The following SEPTIN2 variants were observed in gnomAD, a reference collection of about 807,000 sequenced individuals.
SEPTIN2 encodes the protein septin 2, also known as septin-2.
SEPTIN2 carries 34 observed loss-of-function variants against 46.5 expected under a neutral mutation model. The observed-to-expected ratio is 0.73, with a 90% CI of 0.56 to 0.97. SEPTIN2 has a LOEUF of 0.97. SEPTIN2 is among the 50% of genes least tolerant of loss of function. The pLI is 0.00. For missense variants in SEPTIN2, 347 were observed against 448.4 expected, an observed-to-expected ratio of 0.77 and a Z score of 2.04; for synonymous variants, 175 against 153.4, an observed-to-expected ratio of 1.14 and a Z score of -1.04.
rs971727785 is a variant in SEPTIN2 at position 241,346,374 on chromosome 2, T to C, written c.926+125T>C. 2.0e-5 allele frequency: 12 copies of C among 609,824 alleles called. No homozygotes were observed. In the Middle Eastern group the frequency reaches 1.1e-3, roughly 56 times the overall value. The allele number at this position is 609,824 out of a possible 1,614,324, so 37.8% of individuals were successfully genotyped here. A position where few individuals can be genotyped will look rare whatever the true frequency, so the allele number is the denominator to read the frequency against. On this transcript the variant is annotated intron_variant, in intron 10 of 12. Transcript: ENST00000391971. Reference sequence around the variant, plus strand: ...CATGGTTTGGTTTCCTACTCAAAAGTTATTATAAAAGAGTTGTTAATTTAA... The same window carrying C: ...CATGGTTTGGTTTCCTACTCAAAAGCTATTATAAAAGAGTTGTTAATTTAA...
At chr2:241,330,377 A>G (rs2078798353) in intron 3 of SEPTIN2, among the ~76,000 whole-genome samples, 1 of 152,198 alleles carries the variant, frequency 6.6e-6, no homozygotes, top group African/African-American at 2.4e-5. Context: ...TAATGACTGC[A>G]CCATAGAAGC....
At chr2:241,342,534 A>ATTTTTTTTTTT (rs548033372) in intron 7 of SEPTIN2, among the ~76,000 whole-genome samples, 2 of 86,986 alleles carry the variant, frequency 2.3e-5, no homozygotes, top group Non-Finnish European at 2.1e-5. Context: ...AGTTTTGTAA[A>ATTTTTTTTTTT]TTTTTTTTTT....
At chr2:241,337,108 C>G (rs62193171) in intron 5 of SEPTIN2, 1 of 296,130 alleles carries the variant, frequency 3.4e-6, no homozygotes, top group Non-Finnish European at 6.2e-6. Context: ...AAAAAAAGAA[C>G]GAATTGGCAG....
At chr2:241,328,373 A>G (rs2078361954) in intron 3 of SEPTIN2, among the ~76,000 whole-genome samples, 1 of 151,952 alleles carries the variant, frequency 6.6e-6, no homozygotes, top group South Asian at 2.1e-4. Flanking sequence ...CAGAGGTTGC[A>G]GTGAGCCAAG....
chr2:241,339,302 A>G (rs1575324334), intron 7 of SEPTIN2, among the ~76,000 whole-genome samples: 1 of 151,406 alleles, frequency 6.6e-6, no homozygotes, highest in Admixed American at 6.6e-5. Flanking sequence ...CTGAAGCAAA[A>G]GAATCGCTTC....
intron 1 of SEPTIN2, chr2:241,317,535 ATT>A (rs750805176): frequency 0.018 from 15,615 of 887,016 alleles, no homozygotes; most frequent in Non-Finnish European, 0.019. Flanking sequence ...AGTTGTGGGT[ATT>A]TTTTTTTTTT....
chr2:241,325,267 C>T (rs1166695240), intron 2 of SEPTIN2: 1 of 152,144 alleles, frequency 6.6e-6, no homozygotes, highest in South Asian at 2.1e-4. Flanking sequence ...CAGTATGCCA[C>T]TGTCTAGATT....
Position 241,328,976 on chromosome 2 carries a change from C to T in SEPTIN2, c.130+2863C>T, listed in dbSNP as rs187084091. Among the ~76,000 whole-genome samples the T allele has an allele frequency of 2.3e-3, 348 of 151,940 alleles. 4 individuals are homozygous for T. The East Asian group carries it at 0.032, about 14-fold the overall frequency. ...TGGAGGTTGCGGTGAGCCGAGATCGCGCCATTGCACTCCAGCCTGGGCAAC... is the reference window on the plus strand; with the variant it reads ...TGGAGGTTGCGGTGAGCCGAGATCGTGCCATTGCACTCCAGCCTGGGCAAC... On this transcript the variant is annotated intron_variant, in intron 3 of 12. Coordinates refer to ENST00000391971, the MANE Select transcript of SEPTIN2 (RefSeq NM_004404.5).
intron 10 of SEPTIN2, 94 bp from the exon 11 acceptor site, chr2:241,348,036 AATAC>A: frequency 2.2e-6 from 2 of 924,312 alleles, no homozygotes. Context: ...AGAAATGATA[AATAC>A]ATGTCATTTT....
At chr2:241,321,002 TAC>T (rs2077035564) in intron 1 of SEPTIN2, among the ~76,000 whole-genome samples, 2 of 152,230 alleles carry the variant, frequency 1.3e-5, no homozygotes, top group African/African-American at 4.8e-5. Context: ...TACTGGGAGT[TAC>T]TTTTCATCTT....
chr2:241,324,310 C>G, intron 2 of SEPTIN2, 69 bp downstream of exon 2: 1 of 1,257,414 alleles, frequency 8.0e-7, no homozygotes, highest in Non-Finnish European at 1.1e-6. Context: ...TGTTGACAGT[C>G]GGGACTTATA....
At chr2:241,342,949 A>G (rs775703016) in intron 7 of SEPTIN2, 43 bp from the exon 8 acceptor site, 2 of 1,031,076 alleles carry the variant, frequency 1.9e-6, no homozygotes, top group Non-Finnish European at 3.0e-6. Flanking sequence ...ACAATAACAT[A>G]CGCAGTTTGC....
chr2:241,322,021 C>T (rs555111491), intron 1 of SEPTIN2, among the ~76,000 whole-genome samples: 16 of 152,150 alleles, frequency 1.1e-4, no homozygotes, highest in Non-Finnish European at 2.9e-5. Context: ...CTGCTACTAT[C>T]CCTTGGTTAA....
chr2:241,322,634 A>T (rs1260219908), intron 1 of SEPTIN2, among the ~76,000 whole-genome samples: 1 of 152,044 alleles, frequency 6.6e-6, no homozygotes, highest in Non-Finnish European at 1.5e-5. Flanking sequence ...GAGAAAAAAA[A>T]ATTCCACATA....
At chr2:241,331,031 T>C (rs750381117) in intron 3 of SEPTIN2, among the ~76,000 whole-genome samples, 16 of 152,156 alleles carry the variant, frequency 1.1e-4, no homozygotes, top group Admixed American at 3.3e-4. Context: ...GTACTGAAAT[T>C]AGCCGGCCGT....
chr2:241,345,128 AAAAG>A (rs982083537), intron 9 of SEPTIN2, among the ~76,000 whole-genome samples: 4 of 152,102 alleles, frequency 2.6e-5, no homozygotes, highest in African/African-American at 4.8e-5. Context: ...AAAAAAACCA[AAAAG>A]AACAGGCTGA....
intron 3 of SEPTIN2, among the ~76,000 whole-genome samples, chr2:241,329,363 C>T (rs145725679): frequency 1.3e-5 from 2 of 152,024 alleles, no homozygotes; most frequent in Non-Finnish European, 2.9e-5. Flanking sequence ...CTCCTGACTT[C>T]GTGATCCGCC....
At position 241,337,688 on chromosome 2, in the gene SEPTIN2, T is replaced by A. The variant is rs2080264686; in HGVS notation, c.492T>A (p.Asp164Glu). The change falls in exon 7 of 13, where the codon GAT (aspartate) becomes GAA (glutamate). Residue 164 changes from aspartate (D) to glutamate (E), a missense_variant. Coordinates refer to ENST00000391971, the MANE Select transcript of SEPTIN2 (RefSeq NM_004404.5). ...TTAATTTTAGACTTAAGCCCTTAGA[T>A]GTGGCGTTTATGAAGGCAATACACA... ...SPFGHGLKPL[D>E]VAFMKAIHNK... 1.9e-6 allele frequency: 3 copies of A among 1,613,768 alleles called. No homozygotes were observed. The highest frequency in any genetic ancestry group is 2.5e-6 in the Non-Finnish European group (3 of 1,179,780).
In SEPTIN2 at chr2:241,343,807, A is replaced by G. The variant is rs1315622431; in HGVS notation, c.752A>G (p.Lys251Arg). 1 of 1,614,198 alleles carries G rather than the reference A, an allele frequency of 6.2e-7. No homozygotes were observed. Among genetic ancestry groups the G allele is most frequent in the Non-Finnish European group, 8.5e-7 (1 of 1,180,022 alleles). The stretch of plus-strand genomic sequence containing the variant: ...AATCAGTTGATTGAAGCCAAAGGAA[A>G]GAAGGTCAGAGGCCGCCTCTACCCC... ...GSNQLIEAKG[K>R]KVRGRLYPWG... The change falls in exon 9 of 13, where the codon AAG becomes AGG. Residue 251 changes from lysine (K) to arginine (R), a missense_variant. Physicochemically the swap from Lys to Arg is conservative, Grantham distance 26. Transcript: ENST00000391971.
Sources: allele counts gnomAD v4.1 joint callset (sites outside exome capture counted in the v4.1 genomes callset), GRCh38; gene constraint gnomAD v4.1.1; transcripts MANE v1.5; gene names NCBI Gene and HGNC (gene_info 2026-07-23, HGNC 2026-07-21).